The following SMARCA4 variants were observed in gnomAD, a reference collection of about 807,000 sequenced individuals.
SMARCA4 encodes SWI/SNF related BAF chromatin remodeling complex subunit ATPase 4, also known as SWI/SNF-related matrix-associated actin-dependent regulator of chromatin subfamily A member 4.
Under a neutral mutation model 193.9 loss-of-function variants are expected in SMARCA4, and 31 were observed. The observed-to-expected ratio is 0.16, with a 90% CI of 0.12 to 0.22. The LOEUF (loss-of-function observed/expected upper bound fraction) is 0.22. Ranked by LOEUF, SMARCA4 falls within the 10% of genes least tolerant of loss-of-function variation. The pLI, the probability that SMARCA4 is intolerant of heterozygous loss-of-function variation, is 1.00. For synonymous variants in SMARCA4, 942 were observed against 933.1 expected, an observed-to-expected ratio of 1.01 and a Z score of -0.17; for missense variants, 1,148 against 2,296.0, an observed-to-expected ratio of 0.50 and a Z score of 10.22.
Position 11,041,282 on chromosome 19 carries a change from T to A in SMARCA4, c.4171-25T>A. ...TTGTCGACCTGGGTGCTGGCTGTCC[T>A]ATTTTACTACTATTGACCCTGAAGG... On this transcript the variant is annotated intron_variant, in intron 29 of 34. Transcript: ENST00000344626. The surrounding 1 kb of genome is among the most constrained non-coding windows in gnomAD (Gnocchi z 5.6). 6.3e-7 allele frequency: 1 copy of A among 1,587,326 alleles called. No homozygotes were observed. Among genetic ancestry groups the A allele is most frequent in the South Asian group, 1.1e-5 (1 of 90,572 alleles).
intron 11 of SMARCA4, among the ~76,000 whole-genome samples, chr19:10,997,164 C>G (rs1209446190): frequency 6.6e-6 from 1 of 152,034 alleles, no homozygotes; most frequent in Non-Finnish European, 1.5e-5. Context: ...GGATTATAGG[C>G]ATCCACCACC....
chr19:11,033,967 C>A lies in SMARCA4; in HGVS notation c.3873+102C>A. 2 of 748,714 alleles carry A rather than the reference C, an allele frequency of 2.7e-6. No individual in the cohort carries two copies. Among genetic ancestry groups the A allele is most frequent in the South Asian group, 1.4e-5 (1 of 72,594 alleles). 46.4% of individuals were successfully genotyped at this position (748,714 alleles called of 1,614,324 possible). A position where few individuals can be genotyped will look rare whatever the true frequency, so the allele number is the denominator to read the frequency against. ...CCCACGGAGCGTGCGTGTGCGTGTG[C>A]GTGTGTGTGCCTTTCGCTGCCGTGT... On this transcript the variant is annotated intron_variant, in intron 27 of 34. Transcript: ENST00000344626. The surrounding 1 kb of genome is among the most constrained non-coding windows in gnomAD (Gnocchi z 9.8).
At chr19:11,015,196 C>G (rs1289445570) in intron 16 of SMARCA4, among the ~76,000 whole-genome samples, 6 of 152,134 alleles carry the variant, frequency 3.9e-5, no homozygotes, top group Non-Finnish European at 8.8e-5. Flanking sequence ...TTTCATAACC[C>G]CAAGACAATT....
chr19:11,057,618 A>G (rs1203760905), intron 30 of SMARCA4, among the ~76,000 whole-genome samples: 1 of 151,896 alleles, frequency 6.6e-6, no homozygotes, highest in Non-Finnish European at 1.5e-5. Flanking sequence ...AATCCCAGCT[A>G]CTCGGGAGGC....
intron 8 of SMARCA4, among the ~76,000 whole-genome samples, chr19:10,992,468 G>C (rs1409113497): frequency 1.5e-5 from 2 of 131,938 alleles, no homozygotes; most frequent in African/African-American, 5.8e-5. Context: ...CTTGTCACCC[G>C]GACTGGAGTG....
intron 13 of SMARCA4, among the ~76,000 whole-genome samples, chr19:11,005,848 T>C (rs1298117535): frequency 6.6e-6 from 1 of 152,248 alleles, no homozygotes; most frequent in Non-Finnish European, 1.5e-5. Context: ...AGTAGACCTT[T>C]GGTCAACTCG....
chr19:11,004,079 C>T (rs1379244023), intron 13 of SMARCA4, among the ~76,000 whole-genome samples: 3 of 151,542 alleles, frequency 2.0e-5, no homozygotes, highest in Admixed American at 6.6e-5. Flanking sequence ...TGCAGTGGCG[C>T]GATGTTGGCT....
intron 16 of SMARCA4, among the ~76,000 whole-genome samples, chr19:11,014,624 G>T (rs932909718): frequency 5.3e-5 from 8 of 152,076 alleles, no homozygotes; most frequent in African/African-American, 1.9e-4. Context: ...GAGGCTGATG[G>T]GTGCAGTGGC....
chr19:11,010,597 C>G (rs1042118667), intron 15 of SMARCA4, 66 bp downstream of exon 15: 1 of 1,520,548 alleles, frequency 6.6e-7, no homozygotes, highest in Non-Finnish European at 9.1e-7. Flanking sequence ...CCAGGTGGTG[C>G]GGGCTTCAGA....
At chr19:11,004,021 TTTG>T (rs371121022) in intron 13 of SMARCA4, among the ~76,000 whole-genome samples, 9 of 151,808 alleles carry the variant, frequency 5.9e-5, no homozygotes, top group African/African-American at 2.2e-4. Flanking sequence ...TTATGATTTT[TTTG>T]TTGTTGTTTT....
chr19:10,974,335 G>C (rs1309951968), intron 1 of SMARCA4, among the ~76,000 whole-genome samples: 1 of 151,976 alleles, frequency 6.6e-6, no homozygotes, highest in Non-Finnish European at 1.5e-5. Flanking sequence ...TTTTGATGAA[G>C]TTGAAAATAA....
intron 11 of SMARCA4, among the ~76,000 whole-genome samples, 160 bp downstream of exon 11, chr19:10,996,704 C>T (rs1171831412): frequency 1.3e-5 from 2 of 152,130 alleles, no homozygotes; most frequent in South Asian, 4.1e-4. Context: ...CCCGACCCCA[C>T]ATCCCACATG....
chr19:11,010,979 T>G, intron 15 of SMARCA4: 1 of 256,980 alleles, frequency 3.9e-6, no homozygotes. Flanking sequence ...AGCTTAGATC[T>G]AGGAGCCGGC....
At chr19:11,027,729 C>T (rs1416244669) in intron 23 of SMARCA4, 55 bp from the exon 24 acceptor site, 1 of 1,603,028 alleles carries the variant, frequency 6.2e-7, no homozygotes, top group Non-Finnish European at 8.5e-7. Context: ...TACCTGCCTG[C>T]AGGGTTCCAG....
intron 1 of SMARCA4, among the ~76,000 whole-genome samples, chr19:10,972,376 A>G (rs1157798620): frequency 2.7e-5 from 4 of 150,598 alleles, no homozygotes; most frequent in Non-Finnish European, 5.9e-5. Context: ...GATTACAGGC[A>G]TGAGCCACCA....
Position 10,984,314 on chromosome 19 carries a change from C to G in SMARCA4, c.163C>G (p.Pro55Ala), listed in dbSNP as rs1218848193. ...PSPGPPSAGHPIPTQGPGGYP... is the reference protein window; with the variant it reads ...PSPGPPSAGHAIPTQGPGGYP... ...CCCAGGGCCGCCCTCAGCAGGACAC[C>G]CCATCCCCACCCAGGGGCCTGGAGG... The change falls in exon 2 of 35, where the codon CCC becomes GCC. Residue 55 changes from proline to alanine, a missense_variant. Pro to Ala is a conservative substitution (Grantham distance 27). Transcript: ENST00000344626. This position sits in a 1 kb window ranked among gnomAD's most constrained non-coding sequence, Gnocchi z 4.3. The G allele has an allele frequency of 6.2e-7, 1 of 1,605,364 alleles. No homozygotes were observed.
chr19:11,023,461 C>T (rs1248773259), intron 19 of SMARCA4, 57 bp from the exon 20 acceptor site: 5 of 1,107,080 alleles, frequency 4.5e-6, no homozygotes, highest in South Asian at 3.9e-5. Flanking sequence ...TCTAGTGAGA[C>T]CTCTGTCGCC....
rs140807361 is a variant in SMARCA4 at position 10,964,983 on chromosome 19, G to A, written c.-32+3809G>A. 5.6e-4 allele frequency among the ~76,000 whole-genome samples: 86 copies of A among 152,244 alleles called. 1 individual carries two copies. The highest frequency in any genetic ancestry group is 1.7e-3 in the African/African-American group (71 of 41,538). Reference sequence around the variant, plus strand: ...CCTAGGGTTATTTTCTTTCCACAAGGGTTGTCAAGTCAACCACCTGGGTTT... The same window carrying A: ...CCTAGGGTTATTTTCTTTCCACAAGAGTTGTCAAGTCAACCACCTGGGTTT... On this transcript the variant is annotated intron_variant, in intron 1 of 34. Transcript: ENST00000344626.
chr19:10,983,166 T>G (rs2085703712), intron 1 of SMARCA4, among the ~76,000 whole-genome samples: 2 of 152,002 alleles, frequency 1.3e-5, no homozygotes, highest in Admixed American at 6.6e-5. Flanking sequence ...GAAGCCTCTT[T>G]ACAGACACAA....
Sources: allele counts gnomAD v4.1 joint callset (sites outside exome capture counted in the v4.1 genomes callset), GRCh38; gene constraint gnomAD v4.1.1; non-coding constraint Gnocchi (gnomAD v3.1); transcripts MANE v1.5; gene names NCBI Gene and HGNC (gene_info 2026-07-23, HGNC 2026-07-21).